Variants in MAGI2 observed in about 807,000 individuals in gnomAD.
The protein encoded by MAGI2 is membrane-associated guanylate kinase, WW and PDZ domain-containing protein 2.
Under a neutral mutation model 133.3 loss-of-function variants are expected in MAGI2, and 35 were observed. The ratio of observed to expected loss-of-function variants is 0.26; its 90% CI spans 0.20 to 0.35. The LOEUF (loss-of-function observed/expected upper bound fraction) is 0.35, where lower values mean the gene tolerates loss of function less well. MAGI2 is among the 10% of genes least tolerant of loss of function. The pLI is 1.00. For synonymous variants in MAGI2, 729 were observed against 710.6 expected (o/e 1.03, Z -0.41); for missense variants, 1,636 against 1,863.4 (o/e 0.88, Z 2.25).
chr7:78,176,018 T>C (rs897952540), intron 14 of MAGI2, among the ~76,000 whole-genome samples: 17 of 152,144 alleles, frequency 1.1e-4, no homozygotes, highest in Middle Eastern at 3.2e-3. Flanking sequence ...CAGTTCTCTC[T>C]ATTATAAAAC....
intron 8 of MAGI2, 64 bp from the exon 9 acceptor site, chr7:78,344,024 G>T: frequency 6.7e-7 from 1 of 1,483,790 alleles, no homozygotes; most frequent in Non-Finnish European, 9.2e-7. Flanking sequence ...TCAGACAAGA[G>T]AAAGCCAGCC....
intron 2 of MAGI2, among the ~76,000 whole-genome samples, chr7:78,782,218 G>A (rs1205312245): frequency 6.6e-6 from 1 of 152,180 alleles, no homozygotes; most frequent in Non-Finnish European, 1.5e-5. Flanking sequence ...GGAGTGAAGA[G>A]GAAAGATTCA....
At chr7:79,218,159 A>G (rs1346303477) in intron 1 of MAGI2, among the ~76,000 whole-genome samples, 2 of 151,934 alleles carry the variant, frequency 1.3e-5, no homozygotes, top group African/African-American at 4.8e-5. Context: ...TTAAGCTGTA[A>G]ATATGTACCT....
intron 16 of MAGI2, among the ~76,000 whole-genome samples, chr7:78,152,319 T>G (rs755760310): frequency 6.6e-6 from 1 of 152,100 alleles, no homozygotes; most frequent in Non-Finnish European, 1.5e-5. Flanking sequence ...TGAACCAGCT[T>G]TGATGGAATG....
chr7:79,378,916 ATGTG>A (rs201646560), intron 1 of MAGI2, among the ~76,000 whole-genome samples: 1 of 76,904 alleles, frequency 1.3e-5, no homozygotes, highest in African/African-American at 4.9e-5. Flanking sequence ...ATATATATAT[ATGTG>A]TGTGTGTATA....
chr7:79,244,684 A>G (rs931134949), intron 1 of MAGI2, among the ~76,000 whole-genome samples: 18 of 152,146 alleles, frequency 1.2e-4, no homozygotes, highest in African/African-American at 4.3e-4. Flanking sequence ...TCAAGGCCAC[A>G]AGACTGCAAT....
rs189874570 is a variant in MAGI2, at chr7:79,216,394, G to T, written c.302-209188C>A. Among the ~76,000 whole-genome samples, 126 of 151,988 alleles carry T rather than the reference G, an allele frequency of 8.3e-4. 1 individual carries two copies. Among genetic ancestry groups the T allele is most frequent in the African/African-American group, 2.8e-3 (117 of 41,334 alleles). On this transcript the variant is annotated intron_variant, in intron 1 of 21. Transcript: ENST00000354212. Reference sequence around the variant, plus strand: ...GATTTTTCCTGGATGCCAGACAAGGGCTTCGGATACGGAAAGCTGTCACAC... The same window carrying T: ...GATTTTTCCTGGATGCCAGACAAGGTCTTCGGATACGGAAAGCTGTCACAC...
chr7:78,629,574 C>A (rs192341179), intron 2 of MAGI2, among the ~76,000 whole-genome samples: 1 of 152,168 alleles, frequency 6.6e-6, no homozygotes, highest in East Asian at 1.9e-4. Flanking sequence ...ATAATTAACC[C>A]CCATGTTCAC....
rs555942320 is a variant in MAGI2 at position 79,195,557 on chromosome 7, C to T, written c.302-188351G>A. Among the ~76,000 whole-genome samples, 6 of 151,882 alleles carry T rather than the reference C, an allele frequency of 4.0e-5. No individual in the cohort carries two copies. In the East Asian group the frequency reaches 1.2e-3, roughly 30 times the overall value. On this transcript the variant is annotated intron_variant, in intron 1 of 21. Transcript: ENST00000354212. The stretch of plus-strand genomic sequence containing the variant: ...GAAAATGGAAAAGTGATTCAATTAC[C>T]AACTCAAACTTCAATGAAACCAGCC...
At chr7:78,544,414 T>C (rs914281263) in intron 3 of MAGI2, among the ~76,000 whole-genome samples, 2 of 152,132 alleles carry the variant, frequency 1.3e-5, no homozygotes, top group African/African-American at 4.8e-5. Context: ...CAGCCAAAAG[T>C]TTTTTGGCAA....
intron 6 of MAGI2, among the ~76,000 whole-genome samples, chr7:78,488,918 G>A (rs912451571): frequency 7.2e-5 from 11 of 151,970 alleles, no homozygotes; most frequent in Non-Finnish European, 1.6e-4. Flanking sequence ...ATTCTCTGCT[G>A]TTTTCTTCAC....
intron 1 of MAGI2, among the ~76,000 whole-genome samples, chr7:79,008,543 T>C (rs113692886): frequency 2.7e-4 from 41 of 152,280 alleles, no homozygotes; most frequent in African/African-American, 9.1e-4. Context: ...TTTGAGCAAA[T>C]GGTCTCTTAA....
chr7:78,272,330 T>A (rs927061409), intron 9 of MAGI2, among the ~76,000 whole-genome samples: 1 of 152,202 alleles, frequency 6.6e-6, no homozygotes, highest in African/African-American at 2.4e-5. Flanking sequence ...TCCGTTCTTT[T>A]GTATTTGCTG....
Position 78,829,388 on chromosome 7 carries a change from G to A in MAGI2, c.418+177702C>T, listed in dbSNP as rs115613536. Reference sequence around the variant, plus strand: ...TTTTTGAATTGAAGTTCATGATACAGTAAATCTTTGTGAACCTTTTTCATG... The same window carrying A: ...TTTTTGAATTGAAGTTCATGATACAATAAATCTTTGTGAACCTTTTTCATG... On this transcript the variant is annotated intron_variant, in intron 2 of 21. Transcript: ENST00000354212. 6.1e-3 allele frequency among the ~76,000 whole-genome samples: 925 copies of A among 152,072 alleles called. 9 individuals carry two copies. Among genetic ancestry groups the A allele is most frequent in the African/African-American group, 0.021 (879 of 41,520 alleles).
intron 2 of MAGI2, among the ~76,000 whole-genome samples, chr7:78,816,612 T>C (rs761728452): frequency 6.6e-6 from 1 of 152,190 alleles, no homozygotes; most frequent in Non-Finnish European, 1.5e-5. Context: ...CCTTAAAAAT[T>C]ACATGACATT....
chr7:78,483,529 T>A (rs1318168430), intron 6 of MAGI2, among the ~76,000 whole-genome samples: 1 of 151,898 alleles, frequency 6.6e-6, no homozygotes, highest in Non-Finnish European at 1.5e-5. Context: ...TAACAGATTC[T>A]GGGACCAACG....
chr7:78,505,805 T>A (rs1414138075), intron 4 of MAGI2, among the ~76,000 whole-genome samples: 1 of 152,210 alleles, frequency 6.6e-6, no homozygotes, highest in Non-Finnish European at 1.5e-5. Context: ...TGTATATTCA[T>A]CTAATCTCAT....
intron 2 of MAGI2, among the ~76,000 whole-genome samples, chr7:78,869,291 C>G (rs1794837249): frequency 6.6e-6 from 1 of 152,172 alleles, no homozygotes; most frequent in Non-Finnish European, 1.5e-5. Context: ...GTCATGGACT[C>G]TTTGCCTATG....
In MAGI2 at chr7:79,142,998, C is replaced by T. The variant is rs138101573; in HGVS notation, c.302-135792G>A. On this transcript the variant is annotated intron_variant, in intron 1 of 21. Coordinates refer to ENST00000354212, the MANE Select transcript of MAGI2 (RefSeq NM_012301.4). ...ATGCTTCACATGACATTTCAGGCAA[C>T]GCCATGTCTTCTTTTATAAAAGCCT... Among the ~76,000 whole-genome samples, 537 of 152,290 alleles carry T rather than the reference C, an allele frequency of 3.5e-3. 2 individuals carry two copies. The highest frequency in any genetic ancestry group is 0.012 in the African/African-American group (508 of 41,562).
Sources: gnomAD v4.1 joint callset for allele counts (sites outside exome capture counted in the v4.1 genomes callset) on GRCh38, gnomAD v4.1.1 for gene constraint, MANE v1.5 for transcripts, NCBI Gene and HGNC (gene_info 2026-07-23, HGNC 2026-07-21) for gene names.